Variants in XKR9 observed in about 807,000 individuals in gnomAD.
XKR9 encodes XK-related protein 9.
A neutral mutation model predicts 32.0 loss-of-function variants in XKR9; 32 were observed. That is an observed-to-expected ratio of 1.00 (90% CI 0.76 to 1.34). XKR9 has a LOEUF of 1.34. XKR9 is among the 40% of genes most tolerant of loss of function. The pLI, the probability that XKR9 is intolerant of heterozygous loss-of-function variation, is 0.00. For missense variants in XKR9, 546 were observed against 429.7 expected (o/e 1.27, Z -2.39); for synonymous variants, 168 against 143.4 (o/e 1.17, Z -1.22).
At chr8:70,743,778 A>G (rs1413063326) in intron 2 of XKR9, among the ~76,000 whole-genome samples, 2 of 151,938 alleles carry the variant, frequency 1.3e-5, no homozygotes, top group African/African-American at 4.8e-5. Context: ...GGGCCTTAAA[A>G]CCACTAAAAC....
chr8:71,052,505 A>G, the XKR9 span, among the ~76,000 whole-genome samples: 1 of 152,184 alleles, frequency 6.6e-6, no homozygotes, highest in Non-Finnish European at 1.5e-5. Context: ...ATTTTCCTCC[A>G]GGGTAACTGA....
At chr8:70,863,529 A>T in the XKR9 span, among the ~76,000 whole-genome samples, 2 of 152,178 alleles carry the variant, frequency 1.3e-5, no homozygotes, top group South Asian at 2.1e-4. Context: ...AGGCCACATG[A>T]CTTTCTTTGT....
At position 70,734,356 on chromosome 8, in the gene XKR9, A is replaced by G. The variant is rs761190463; in HGVS notation, c.1054A>G (p.Lys352Glu). 1 of 1,610,748 alleles carries G rather than the reference A, an allele frequency of 6.2e-7. No individual in the cohort carries two copies. The highest frequency in any genetic ancestry group is 8.5e-7 in the Non-Finnish European group (1 of 1,179,412). ...SFHPNRSAETKCDEIDGKPVL... is the reference protein window; with the variant it reads ...SFHPNRSAETECDEIDGKPVL... ...TCACCCAAACAGAAGTGCAGAAACA[A>G]AATGTGATGAAATTGATGGAAAACC... The change falls in exon 5 of 5, where the codon AAA becomes GAA. Residue 352 changes from lysine (K) to glutamate (E), a missense_variant. Transcript: ENST00000408926.
At chr8:70,978,997 A>G in the XKR9 span, among the ~76,000 whole-genome samples, 5 of 152,164 alleles carry the variant, frequency 3.3e-5, no homozygotes, top group Non-Finnish European at 7.3e-5. Flanking sequence ...ATCTTCAATC[A>G]ATGATACCCT....
At chr8:70,929,832 C>G in the XKR9 span, among the ~76,000 whole-genome samples, 3 of 152,134 alleles carry the variant, frequency 2.0e-5, no homozygotes, top group South Asian at 2.1e-4. Context: ...TCAGGCCCAC[C>G]CAGTTAATCT....
the XKR9 span, among the ~76,000 whole-genome samples, chr8:70,869,604 C>G: frequency 6.6e-6 from 1 of 152,170 alleles, no homozygotes. Flanking sequence ...AATCATATCA[C>G]CAAGTTTTCG....
At chr8:70,867,263 G>A in the XKR9 span, among the ~76,000 whole-genome samples, 1 of 152,032 alleles carries the variant, frequency 6.6e-6, no homozygotes, top group Non-Finnish European at 1.5e-5. Flanking sequence ...GAACAGCACA[G>A]GAAAGACCTC....
chr8:71,002,252 TG>T, the XKR9 span, among the ~76,000 whole-genome samples: 3 of 151,800 alleles, frequency 2.0e-5, no homozygotes, highest in African/African-American at 7.3e-5. Context: ...TTGGAGAGAT[TG>T]GGGTTGACGA....
the XKR9 span, among the ~76,000 whole-genome samples, chr8:70,832,760 A>T: frequency 1.3e-5 from 2 of 152,342 alleles, no homozygotes; most frequent in East Asian, 3.9e-4. Flanking sequence ...TAACTTGCTC[A>T]AGGTCACAGA....
chr8:70,735,523 T>A lies in XKR9; in HGVS notation c.*1099T>A, dbSNP rs1806836922. 1 of 151,650 alleles carries A rather than the reference T, an allele frequency of 6.6e-6. No homozygotes were observed. Among genetic ancestry groups the A allele is most frequent in the South Asian group, 2.1e-4 (1 of 4,786 alleles). 9.4% of individuals were successfully genotyped at this position (151,650 alleles called of 1,614,324 possible). The stretch of plus-strand genomic sequence containing the variant: ...ACATGTGCACAATGTGCAGGTTAGT[T>A]ACATATGTATACATGTGCCATGCTG... On this transcript the variant is annotated 3_prime_UTR_variant, in exon 5 of 5. Coordinates refer to ENST00000408926, the MANE Select transcript of XKR9 (RefSeq NM_001011720.2).
At chr8:71,020,423 A>C in the XKR9 span, among the ~76,000 whole-genome samples, 4 of 152,246 alleles carry the variant, frequency 2.6e-5, no homozygotes, top group Admixed American at 6.5e-5. Flanking sequence ...GGGCTCAAGG[A>C]AAATCATTTA....
the XKR9 span, among the ~76,000 whole-genome samples, chr8:70,933,302 G>A: frequency 6.6e-6 from 1 of 152,100 alleles, no homozygotes; most frequent in South Asian, 2.1e-4. Context: ...CCTACACCAC[G>A]AGTGTTAGAA....
the XKR9 span, among the ~76,000 whole-genome samples, chr8:70,858,317 C>A: frequency 4.6e-5 from 7 of 152,046 alleles, no homozygotes; most frequent in Non-Finnish European, 1.0e-4. Flanking sequence ...TCCTATATAC[C>A]AATAACAGAC....
the XKR9 span, among the ~76,000 whole-genome samples, chr8:70,836,114 G>T: frequency 6.6e-6 from 1 of 151,682 alleles, no homozygotes; most frequent in African/African-American, 2.4e-5. Flanking sequence ...AAAATTTTTT[G>T]GTGCATTTGA....
chr8:70,725,468 G>A (rs1030974610), intron 4 of XKR9, among the ~76,000 whole-genome samples: 1 of 144,568 alleles, frequency 6.9e-6, no homozygotes, highest in Non-Finnish European at 1.6e-5. Context: ...TAGATGTCAG[G>A]AGAAAATCTA....
chr8:70,851,430 T>G, the XKR9 span, among the ~76,000 whole-genome samples: 7 of 152,136 alleles, frequency 4.6e-5, no homozygotes, highest in Non-Finnish European at 7.4e-5. Context: ...TAGAAAAAAC[T>G]ACTTTAAATT....
At chr8:70,916,322 C>G in the XKR9 span, among the ~76,000 whole-genome samples, 1 of 152,184 alleles carries the variant, frequency 6.6e-6, no homozygotes, top group Non-Finnish European at 1.5e-5. Context: ...CGTTGATTTT[C>G]AGCAAACCTT....
the XKR9 span, among the ~76,000 whole-genome samples, chr8:70,814,493 GA>G: frequency 1.0e-4 from 15 of 146,050 alleles, no homozygotes; most frequent in South Asian, 4.3e-4. Flanking sequence ...AAGCAGGACA[GA>G]AAAAAAAAAC....
chr8:71,035,958 C>A, the XKR9 span, among the ~76,000 whole-genome samples: 1 of 152,144 alleles, frequency 6.6e-6, no homozygotes, highest in African/African-American at 2.4e-5. Context: ...AACAAACAGG[C>A]CTTACTAAGC....
Sources: allele counts gnomAD v4.1 joint callset (sites outside exome capture counted in the v4.1 genomes callset), GRCh38; gene constraint gnomAD v4.1.1; transcripts MANE v1.5; gene names NCBI Gene and HGNC (gene_info 2026-07-23, HGNC 2026-07-21).